Variants in CSMD1 observed in about 807,000 individuals in gnomAD.
CSMD1 encodes the protein CUB and sushi domain-containing protein 1.
In CSMD1, 213 loss-of-function variants were observed where a neutral mutation model predicts 417.5. The observed-to-expected ratio is 0.51, with a 90% CI of 0.46 to 0.57. CSMD1 has a LOEUF of 0.57. Among genes scored for constraint, CSMD1 ranks in the 20% least tolerant of loss-of-function variants. The pLI is 0.00. For synonymous variants in CSMD1, 2,862 were observed against 1,736.8 expected, an observed-to-expected ratio of 1.65 and a Z score of -16.11; for missense variants, 6,923 against 4,529.7, an observed-to-expected ratio of 1.53 and a Z score of -15.17.
intron 5 of CSMD1, among the ~76,000 whole-genome samples, chr8:3,833,312 T>G (rs1379029227): frequency 6.6e-6 from 1 of 152,162 alleles, no homozygotes. Context: ...TTCAGATTTC[T>G]ATTCGGAAAA....
chr8:3,878,356 T>G (rs1396743241), intron 5 of CSMD1, among the ~76,000 whole-genome samples: 1 of 152,168 alleles, frequency 6.6e-6, no homozygotes, highest in African/African-American at 2.4e-5. Flanking sequence ...TGTATCTTCT[T>G]TATTTGATAC....
chr8:4,609,806 A>G (rs1391560077), intron 2 of CSMD1, among the ~76,000 whole-genome samples: 1 of 152,184 alleles, frequency 6.6e-6, no homozygotes, highest in African/African-American at 2.4e-5. Context: ...TATGGTGAGA[A>G]TATACGATAA....
intron 3 of CSMD1, among the ~76,000 whole-genome samples, chr8:4,216,820 A>C (rs1386958172): frequency 6.6e-6 from 1 of 152,212 alleles, no homozygotes; most frequent in Non-Finnish European, 1.5e-5. Context: ...CAACACAAGA[A>C]AGAGGTAAAC....
intron 10 of CSMD1, among the ~76,000 whole-genome samples, chr8:3,494,763 G>T (rs1315202117): frequency 6.6e-6 from 1 of 152,096 alleles, no homozygotes; most frequent in Non-Finnish European, 1.5e-5. Context: ...AAGAGAGAAG[G>T]GACAGGAGGA....
At chr8:4,834,956 C>CAAAAAA (rs1194297821) in intron 1 of CSMD1, among the ~76,000 whole-genome samples, 2 of 19,826 alleles carry the variant, frequency 1.0e-4, no homozygotes, top group African/African-American at 3.7e-4. Context: ...GACTCCATCT[C>CAAAAAA]AAAAAAAAAA....
chr8:3,197,907 C>G (rs1585628881), intron 33 of CSMD1, among the ~76,000 whole-genome samples: 1 of 152,142 alleles, frequency 6.6e-6, no homozygotes, highest in East Asian at 1.9e-4. Context: ...TCCAAAAAAA[C>G]TTAGTTTTGA....
intron 3 of CSMD1, among the ~76,000 whole-genome samples, chr8:4,329,075 G>C (rs1390136233): frequency 6.6e-6 from 1 of 152,072 alleles, no homozygotes; most frequent in Non-Finnish European, 1.5e-5. Context: ...AATAAAAATT[G>C]CACAACAAAT....
At chr8:4,398,160 A>G (rs1804386652) in intron 3 of CSMD1, among the ~76,000 whole-genome samples, 1 of 152,136 alleles carries the variant, frequency 6.6e-6, no homozygotes, top group Non-Finnish European at 1.5e-5. Flanking sequence ...TTCTACAATG[A>G]CAAGTTTCCT....
intron 5 of CSMD1, among the ~76,000 whole-genome samples, chr8:3,760,398 G>C (rs541871981): frequency 6.6e-6 from 1 of 152,292 alleles, no homozygotes; most frequent in South Asian, 2.1e-4. Flanking sequence ...GATCCTTACA[G>C]TTACGACGAC....
chr8:3,418,834 A>G (rs1473693010), intron 12 of CSMD1, among the ~76,000 whole-genome samples: 1 of 152,168 alleles, frequency 6.6e-6, no homozygotes, highest in Non-Finnish European at 1.5e-5. Context: ...AAAGGATAGA[A>G]TTTTTCCTTT....
At position 3,276,415 on chromosome 8, in the gene CSMD1, C is replaced by G. The variant is rs1802294623; in HGVS notation, c.4153+7729G>C. ...AGCTGTTCCTATTCGTTCATCTTGG[C>G]TTCTCCGACTGCAAGTCACATCTTA... On this transcript the variant is annotated intron_variant, in intron 26 of 69. Transcript: ENST00000635120. 3.9e-5 allele frequency among the ~76,000 whole-genome samples: 6 copies of G among 152,318 alleles called. No homozygotes were observed. In the South Asian group the frequency reaches 1.2e-3, roughly 32 times the overall value.
At chr8:3,033,331 G>A (rs533668942) in intron 50 of CSMD1, among the ~76,000 whole-genome samples, 2 of 152,132 alleles carry the variant, frequency 1.3e-5, no homozygotes, top group South Asian at 4.1e-4. Context: ...TGTTTTATTG[G>A]TAAGACACCA....
At chr8:3,911,228 T>C (rs1785160547) in intron 5 of CSMD1, among the ~76,000 whole-genome samples, 1 of 152,192 alleles carries the variant, frequency 6.6e-6, no homozygotes, top group Non-Finnish European at 1.5e-5. Context: ...TGAATGCTCA[T>C]TCCAAAATCA....
At chr8:4,268,486 G>C (rs1394189278) in intron 3 of CSMD1, among the ~76,000 whole-genome samples, 6 of 152,138 alleles carry the variant, frequency 3.9e-5, no homozygotes, top group Admixed American at 6.6e-5. Context: ...ACGTTTCTAA[G>C]TATTTTGTAG....
chr8:4,503,668 G>A (rs1161638818), intron 2 of CSMD1, among the ~76,000 whole-genome samples: 1 of 151,808 alleles, frequency 6.6e-6, no homozygotes, highest in Non-Finnish European at 1.5e-5. Context: ...TTGCTAACTT[G>A]GCCTGATGCA....
chr8:3,560,162 T>C (rs1358255339), intron 10 of CSMD1, among the ~76,000 whole-genome samples: 4 of 152,120 alleles, frequency 2.6e-5, no homozygotes, highest in African/African-American at 9.7e-5. Context: ...CTTATCTCTG[T>C]AAGGCACAGG....
At chr8:4,068,478 C>A (rs941682298) in intron 3 of CSMD1, among the ~76,000 whole-genome samples, 2 of 152,274 alleles carry the variant, frequency 1.3e-5, no homozygotes, top group African/African-American at 4.8e-5. Context: ...GACACCATAA[C>A]ACATAGCATC....
At chr8:4,024,127 T>C (rs2688278) in intron 4 of CSMD1, among the ~76,000 whole-genome samples, 117,791 of 151,922 alleles carry the variant, frequency 0.78, 45,762 homozygotes, top group South Asian at 0.85. Flanking sequence ...ACAAGAGATG[T>C]TACCAAAAAT....
chr8:3,635,756 T>C (rs190248162), intron 7 of CSMD1, among the ~76,000 whole-genome samples: 1,399 of 125,756 alleles, frequency 0.011, 19 homozygotes, highest in African/African-American at 0.042. Flanking sequence ...GTGCTGGGAT[T>C]ACAGGTATGA....
Sources: allele counts gnomAD v4.1 joint callset (sites outside exome capture counted in the v4.1 genomes callset), GRCh38; gene constraint gnomAD v4.1.1; transcripts MANE v1.5; gene names NCBI Gene and HGNC (gene_info 2026-07-23, HGNC 2026-07-21).